USP42: variants seen among roughly 807,000 people sequenced by gnomAD.
The protein encoded by USP42 is ubiquitin specific peptidase 42, also known as ubiquitin carboxyl-terminal hydrolase 42.
Under a neutral mutation model 113.0 loss-of-function variants are expected in USP42, and 23 were observed. That is an observed-to-expected ratio of 0.20 (90% CI 0.15 to 0.29). The LOEUF (loss-of-function observed/expected upper bound fraction) is 0.29, where lower values mean the gene tolerates loss of function less well. Ranked by LOEUF, USP42 falls within the 10% of genes least tolerant of loss-of-function variation. The pLI, the probability that USP42 is intolerant of heterozygous loss-of-function variation, is 1.00. For missense variants in USP42, 2,174 were observed against 1,779.8 expected, an observed-to-expected ratio of 1.22 and a Z score of -3.99; for synonymous variants, 933 against 699.0, an observed-to-expected ratio of 1.33 and a Z score of -5.28.
intron 8 of USP42, among the ~76,000 whole-genome samples, chr7:6,143,851 T>C (rs1781561939): frequency 6.6e-6 from 1 of 152,188 alleles, no homozygotes; most frequent in Admixed American, 6.6e-5. Context: ...CTTGCGTGGC[T>C]TGGTTTTTCA....
intron 15 of USP42, among the ~76,000 whole-genome samples, chr7:6,155,909 C>T (rs962118454): frequency 3.9e-5 from 6 of 152,138 alleles, no homozygotes; most frequent in African/African-American, 1.4e-4. Context: ...CAGGCGTGTG[C>T]TACCATCCTC....
chr7:6,115,280 A>G, intron 2 of USP42, 43 bp from the exon 3 acceptor site: 15 of 1,593,150 alleles, frequency 9.4e-6, no homozygotes, highest in East Asian at 2.2e-5. Flanking sequence ...TAGCTTCAGT[A>G]TGCAAAGCTT....
intron 4 of USP42, among the ~76,000 whole-genome samples, chr7:6,137,429 G>A (rs1330708135): frequency 1.3e-5 from 2 of 152,208 alleles, no homozygotes; most frequent in Non-Finnish European, 2.9e-5. Flanking sequence ...CACGATCTTG[G>A]CTCACTACAA....
chr7:6,104,660 G>C (rs1007657183), upstream of USP42, among the ~76,000 whole-genome samples: 7 of 152,148 alleles, frequency 4.6e-5, no homozygotes, highest in Non-Finnish European at 7.4e-5. Context: ...GAGCCCTTTC[G>C]CCGGCGCGCA....
rs1430263313 is a variant in USP42, at chr7:6,145,369, TA to T, written c.991-144del. The T allele has an allele frequency of 3.4e-5, 31 of 902,012 alleles. No homozygotes were observed. The East Asian group carries it at 8.0e-4, about 23-fold the overall frequency. The allele number at this position is 902,012 out of a possible 1,614,324, so 55.9% of individuals were successfully genotyped here. A position where few individuals can be genotyped will look rare whatever the true frequency, so the allele number is the denominator to read the frequency against. The stretch of plus-strand genomic sequence containing the variant: ...AGATGGCTAAATGCACTAGGTTTTT[TA>T]AATGCATTAGGTTTTTGCTAGAATA... On this transcript the variant is annotated intron_variant, in intron 9 of 17. Coordinates refer to ENST00000306177, the MANE Select transcript of USP42 (RefSeq NM_032172.3).
rs558504509 is a variant in USP42, at chr7:6,139,008, A to G, written c.554-84A>G. On this transcript the variant is annotated intron_variant, in intron 4 of 17. Transcript: ENST00000306177. This position sits in a 1 kb window ranked among gnomAD's most constrained non-coding sequence, Gnocchi z 4.5. The stretch of plus-strand genomic sequence containing the variant: ...TATTTGGGAGTTTTCCAACCAACAT[A>G]TTATTATAAGATATATTTTGGGGGG... 4.8e-6 allele frequency: 4 copies of G among 838,660 alleles called. No individual in the cohort carries two copies. The highest frequency in any genetic ancestry group is 1.7e-5 in the African/African-American group (1 of 57,322). 52.0% of individuals were successfully genotyped at this position (838,660 alleles called of 1,614,324 possible).
chr7:6,103,754 A>C (rs994257054), upstream of USP42, among the ~76,000 whole-genome samples: 1 of 149,000 alleles, frequency 6.7e-6, no homozygotes, highest in Non-Finnish European at 1.5e-5. Context: ...AAAAAAAAAA[A>C]ACAAAACTTA....
At chr7:6,113,739 A>C (rs2128479436) in intron 2 of USP42, among the ~76,000 whole-genome samples, 1 of 152,154 alleles carries the variant, frequency 6.6e-6, no homozygotes, top group South Asian at 2.1e-4. Context: ...CTCCTGCCTC[A>C]GCCTCCTGAG....
Position 6,104,953 on chromosome 7 carries a change from TC to T in USP42, c.-84del. 1 of 149,020 alleles carries T rather than the reference TC, an allele frequency of 6.7e-6. No individual in the cohort carries two copies. The highest frequency in any genetic ancestry group is 1.5e-5 in the Non-Finnish European group (1 of 68,144). The allele number at this position is 149,020 out of a possible 1,614,324, so 9.2% of individuals were successfully genotyped here. ...GTGCCCGGATGGAGGCACGTCATTG[TC>T]CCCCGCCGGGCGGCTGGGCTGTGTG... On this transcript the variant is annotated 5_prime_UTR_variant, in exon 1 of 18. Coordinates refer to ENST00000306177, the MANE Select transcript of USP42 (RefSeq NM_032172.3).
intron 13 of USP42, 44 bp downstream of exon 13, chr7:6,150,346 C>G (rs2128516467): frequency 1.2e-6 from 2 of 1,607,788 alleles, no homozygotes; most frequent in Non-Finnish European, 1.7e-6. Flanking sequence ...TGGCGGTTCC[C>G]TTGGCTGGAT....
chr7:6,151,523 C>T (rs1182906178), intron 14 of USP42, among the ~76,000 whole-genome samples: 1 of 152,176 alleles, frequency 6.6e-6, no homozygotes, highest in Non-Finnish European at 1.5e-5. Context: ...CTGCAGCCTC[C>T]GCCTCCCAAG....
At chr7:6,083,460 C>G in the USP42 span, among the ~76,000 whole-genome samples, 1 of 147,066 alleles carries the variant, frequency 6.8e-6, no homozygotes, top group Non-Finnish European at 1.5e-5. Flanking sequence ...TTTGCCATGT[C>G]AACCAGGCTG....
the USP42 span, among the ~76,000 whole-genome samples, chr7:6,089,879 T>C: frequency 6.6e-6 from 1 of 151,024 alleles, no homozygotes; most frequent in East Asian, 1.9e-4. Flanking sequence ...TGATGAAATA[T>C]GGCTTGCTGT....
Position 6,149,865 on chromosome 7 carries a change from A to G in USP42, c.1669A>G (p.Thr557Ala), listed in dbSNP as rs765912370. 9 of 1,613,912 alleles carry G rather than the reference A, an allele frequency of 5.6e-6. No homozygotes were observed. Among genetic ancestry groups the G allele is most frequent in the African/African-American group, 1.3e-5 (1 of 74,918 alleles). The stretch of plus-strand genomic sequence containing the variant: ...CCCTACCAAGCCCGTTCCCTCTTCT[A>G]CCATTACCAATTCTGCAGTACAGTC... ...ENPTKPVPSS[T>A]ITNSAVQSTS... Residue 557 changes from threonine (T) to alanine (A), a missense_variant, in exon 13 of 18, where the codon ACC becomes GCC. By Grantham distance (58) the Thr-to-Ala change is moderately conservative. Transcript: ENST00000306177.
rs182111048 is a variant in USP42 at position 6,155,187 on chromosome 7, C to T, written c.3633C>T (p.Arg1211=). The T allele has an allele frequency of 2.0e-6, 3 of 1,530,918 alleles. No individual in the cohort carries two copies. The highest frequency in any genetic ancestry group is 1.2e-5 in the South Asian group (1 of 83,432). 94.8% of individuals were successfully genotyped at this position (1,530,918 alleles called of 1,614,324 possible). A position where few individuals can be genotyped will look rare whatever the true frequency, so the allele number is the denominator to read the frequency against. The change falls in exon 15 of 18, where the codon CGC becomes CGT. Residue 1211 remains arginine (R), a synonymous_variant. Coordinates refer to ENST00000306177, the MANE Select transcript of USP42 (RefSeq NM_032172.3). ...KKKSKDKHRD[R]DSRHQQDSDL... is the part of the protein sequence containing the mutation. Reference sequence around the variant, plus strand: ...AATCCAAAGACAAACACCGAGACCGCGACTCCAGGTGAGCCTGGGGCCTTG... The same window carrying T: ...AATCCAAAGACAAACACCGAGACCGTGACTCCAGGTGAGCCTGGGGCCTTG...
At chr7:6,124,159 A>G (rs1350255783) in intron 3 of USP42, among the ~76,000 whole-genome samples, 4 of 152,052 alleles carry the variant, frequency 2.6e-5, no homozygotes, top group African/African-American at 9.7e-5. Context: ...TACAGGCGTG[A>G]GCTACCATGC....
chr7:6,136,404 A>T (rs1781152516), intron 4 of USP42, among the ~76,000 whole-genome samples: 1 of 152,230 alleles, frequency 6.6e-6, no homozygotes, highest in African/African-American at 2.4e-5. Context: ...TGTCTTTGAT[A>T]ACAAATTTTT....
intron 3 of USP42, among the ~76,000 whole-genome samples, chr7:6,126,141 G>A (rs1440666261): frequency 6.6e-6 from 1 of 152,136 alleles, no homozygotes; most frequent in Non-Finnish European, 1.5e-5. Context: ...CATTTCAACA[G>A]TGTTACGTGA....
At chr7:6,095,723 A>G in the USP42 span, among the ~76,000 whole-genome samples, 2 of 150,866 alleles carry the variant, frequency 1.3e-5, no homozygotes, top group African/African-American at 2.5e-5. Context: ...GAAAATCCCT[A>G]CTGTGTACAC....
Sources: allele counts gnomAD v4.1 joint callset (sites outside exome capture counted in the v4.1 genomes callset), GRCh38; gene constraint gnomAD v4.1.1; non-coding constraint Gnocchi (gnomAD v3.1); transcripts MANE v1.5; gene names NCBI Gene and HGNC (gene_info 2026-07-23, HGNC 2026-07-21).